The following TCF12 variants were observed in gnomAD, a reference collection of about 807,000 sequenced individuals.
The protein encoded by TCF12 is transcription factor 12, also known as DNA-binding protein HTF4.
In TCF12, 45 loss-of-function variants were observed where a neutral mutation model predicts 86.0. The ratio of observed to expected loss-of-function variants is 0.52; its 90% CI spans 0.41 to 0.67. The LOEUF is 0.67. TCF12 is among the 30% of genes least tolerant of loss of function. The probability of loss-of-function intolerance (pLI) is 0.00; values close to 1 mark genes in which losing one functional copy is unlikely to be tolerated. For synonymous variants in TCF12, 330 were observed against 299.6 expected (o/e 1.10, Z -1.05); for missense variants, 881 against 859.9 (o/e 1.02, Z -0.31).
At chr15:57,277,444 C>T (rs1465146708) in intron 19 of TCF12, among the ~76,000 whole-genome samples, 1 of 151,640 alleles carries the variant, frequency 6.6e-6, no homozygotes, top group African/African-American at 2.4e-5. Context: ...TCCTTGGCAA[C>T]ATGGTGAAAC....
chr15:56,918,489 C>T, upstream of TCF12: 1 of 318,072 alleles, frequency 3.1e-6, no homozygotes, highest in Non-Finnish European at 6.2e-6. Flanking sequence ...CCTCACCCGA[C>T]CGCGGGCTTT....
At chr15:57,207,108 A>C (rs1040970533) in intron 8 of TCF12, among the ~76,000 whole-genome samples, 9 of 151,906 alleles carry the variant, frequency 5.9e-5, no homozygotes, top group African/African-American at 1.2e-4. Flanking sequence ...CCCTGTCCCC[A>C]AAAAAACAAA....
intron 17 of TCF12, 128 bp from the exon 18 acceptor site, chr15:57,262,984 T>G (rs1256967673): frequency 2.1e-6 from 2 of 947,220 alleles, no homozygotes; most frequent in Non-Finnish European, 3.1e-6. Context: ...TTCCTACATC[T>G]TCAAACCTCC....
intron 3 of TCF12, among the ~76,000 whole-genome samples, chr15:56,996,191 T>C (rs751816668): frequency 6.6e-6 from 1 of 152,186 alleles, no homozygotes; most frequent in Non-Finnish European, 1.5e-5. Flanking sequence ...TTTGGTAGTA[T>C]TTTGTTGAGG....
At chr15:56,997,490 A>T (rs1467812518) in intron 3 of TCF12, among the ~76,000 whole-genome samples, 1 of 152,152 alleles carries the variant, frequency 6.6e-6, no homozygotes, top group Non-Finnish European at 1.5e-5. Context: ...GGAAAGGAGT[A>T]AGGGTTGAAA....
chr15:56,940,917 C>CTTT (rs539031767), intron 3 of TCF12, among the ~76,000 whole-genome samples: 6 of 134,458 alleles, frequency 4.5e-5, no homozygotes, highest in Non-Finnish European at 9.5e-5. Context: ...CCCAGCTGCT[C>CTTT]TTTTTTTTTT....
chr15:56,951,385 A>T (rs543871713), intron 3 of TCF12, among the ~76,000 whole-genome samples: 15 of 152,082 alleles, frequency 9.9e-5, no homozygotes, highest in African/African-American at 3.6e-4. Context: ...CAATTTTAAA[A>T]ATTAGGTTGT....
intron 6 of TCF12, among the ~76,000 whole-genome samples, chr15:57,175,545 G>A (rs963858611): frequency 3.1e-4 from 47 of 152,174 alleles, no homozygotes; most frequent in African/African-American, 1.1e-3. Context: ...CTGCTGTTTC[G>A]CCAACAGGAT....
intron 3 of TCF12, among the ~76,000 whole-genome samples, chr15:56,989,808 G>T (rs1427994967): frequency 2.0e-5 from 3 of 152,152 alleles, no homozygotes; most frequent in Non-Finnish European, 4.4e-5. Context: ...TTACATTTGG[G>T]TGTGATATTA....
At chr15:57,130,303 T>G (rs1242204457) in intron 5 of TCF12, among the ~76,000 whole-genome samples, 1 of 152,224 alleles carries the variant, frequency 6.6e-6, no homozygotes, top group African/African-American at 2.4e-5. Flanking sequence ...ATATGTAGTT[T>G]ATAGTGAGCA....
intron 5 of TCF12, among the ~76,000 whole-genome samples, chr15:57,166,111 G>C (rs922986217): frequency 6.6e-6 from 1 of 152,036 alleles, no homozygotes; most frequent in African/African-American, 2.4e-5. Context: ...TTGTAGAGAG[G>C]CTTCACTATT....
rs139530756 is a variant in TCF12, at chr15:57,225,220, C to CTTTTT, written c.580-5905_580-5901dup. 4.3e-3 allele frequency among the ~76,000 whole-genome samples: 171 copies of CTTTTT among 39,770 alleles called. 45 individuals are homozygous for CTTTTT. Among genetic ancestry groups the CTTTTT allele is most frequent in the African/African-American group, 9.8e-3 (95 of 9,654 alleles). The allele number at this position is 39,770 out of a possible 152,430, so 26.1% of individuals were successfully genotyped here. A position where few individuals can be genotyped will look rare whatever the true frequency, so the allele number is the denominator to read the frequency against. ...TTACCATTTAGGTTACTGATATATG[C>CTTTTT]TTTTTTTTTTTTTTTTTTTTTTTTT... On this transcript the variant is annotated intron_variant, in intron 8 of 20. Coordinates refer to ENST00000333725, the MANE Select transcript of TCF12 (RefSeq NM_207037.2).
At chr15:57,030,835 A>G (rs1258188341) in intron 3 of TCF12, among the ~76,000 whole-genome samples, 2 of 152,234 alleles carry the variant, frequency 1.3e-5, no homozygotes, top group Non-Finnish European at 2.9e-5. Flanking sequence ...TTCCATGTGT[A>G]TAACCACAAT....
chr15:57,241,539 C>G (rs1467063336), intron 12 of TCF12, among the ~76,000 whole-genome samples: 2 of 152,058 alleles, frequency 1.3e-5, no homozygotes, highest in Admixed American at 6.6e-5. Context: ...TGTCTAGATC[C>G]TGACTGTTTG....
intron 8 of TCF12, among the ~76,000 whole-genome samples, chr15:57,208,475 T>C (rs553565488): frequency 2.3e-5 from 3 of 127,954 alleles, no homozygotes; most frequent in South Asian, 5.4e-4. Context: ...CTCCACCTCC[T>C]GGGCTCAAGT....
intron 5 of TCF12, among the ~76,000 whole-genome samples, chr15:57,103,029 C>G (rs970765015): frequency 1.1e-4 from 16 of 152,230 alleles, no homozygotes; most frequent in African/African-American, 3.9e-4. Flanking sequence ...ATTGAGCAGC[C>G]TAATGCAGAG....
intron 5 of TCF12, among the ~76,000 whole-genome samples, chr15:57,141,573 TC>T (rs1158132318): frequency 9.6e-4 from 146 of 152,304 alleles, no homozygotes; most frequent in African/African-American, 3.2e-3. Context: ...GGTCTCAAAC[TC>T]CCGACCTCAC....
At chr15:57,036,241 G>A (rs1318025283) in intron 3 of TCF12, among the ~76,000 whole-genome samples, 1 of 151,754 alleles carries the variant, frequency 6.6e-6, no homozygotes, top group African/African-American at 2.4e-5. Flanking sequence ...AAGGCATCTT[G>A]ATATAGATAA....
intron 3 of TCF12, among the ~76,000 whole-genome samples, chr15:57,019,155 T>G (rs2065327292): frequency 6.6e-6 from 1 of 152,238 alleles, no homozygotes; most frequent in Admixed American, 6.5e-5. Flanking sequence ...TAGCCAGCAC[T>G]GGCTAAAGTG....
Sources: gnomAD v4.1 joint callset for allele counts (sites outside exome capture counted in the v4.1 genomes callset) on GRCh38, gnomAD v4.1.1 for gene constraint, MANE v1.5 for transcripts, NCBI Gene and HGNC (gene_info 2026-07-23, HGNC 2026-07-21) for gene names.